L3MBTL3: variants seen among roughly 807,000 people sequenced by gnomAD.
L3MBTL3 encodes lethal(3)malignant brain tumor-like protein 3.
Under a neutral mutation model 102.3 loss-of-function variants are expected in L3MBTL3, and 27 were observed. That is an observed-to-expected ratio of 0.26 (90% CI 0.19 to 0.36). The LOEUF (loss-of-function observed/expected upper bound fraction) is 0.36. Among genes scored for constraint, L3MBTL3 ranks in the 10% least tolerant of loss-of-function variants. L3MBTL3 has a pLI of 1.00. For missense variants in L3MBTL3, 798 were observed against 955.3 expected, an observed-to-expected ratio of 0.84 and a Z score of 2.17; for synonymous variants, 340 against 320.9, an observed-to-expected ratio of 1.06 and a Z score of -0.64.
At chr6:130,036,616 C>G (rs921088165) in intron 2 of L3MBTL3, among the ~76,000 whole-genome samples, 1 of 152,130 alleles carries the variant, frequency 6.6e-6, no homozygotes, top group Non-Finnish European at 1.5e-5. Flanking sequence ...TCCTGTCAGA[C>G]AGGATTTTGC....
At chr6:130,019,253 G>A (rs1204665198) in intron 1 of L3MBTL3, 3 of 144,942 alleles carry the variant, frequency 2.1e-5, no homozygotes, top group Admixed American at 6.8e-5. Flanking sequence ...TGTCCGGGTG[G>A]GCGCCGCGGA....
intron 22 of L3MBTL3, among the ~76,000 whole-genome samples, chr6:130,136,439 T>C (rs531709152): frequency 2.6e-5 from 4 of 152,178 alleles, no homozygotes; most frequent in South Asian, 2.1e-4. Context: ...CGCTCCTCCT[T>C]CTGCACAGAA....
chr6:130,062,890 G>A (rs1781992606), intron 10 of L3MBTL3, among the ~76,000 whole-genome samples: 1 of 150,454 alleles, frequency 6.6e-6, no homozygotes, highest in Admixed American at 6.6e-5. Context: ...GAAAAGTATG[G>A]ACATATAAAT....
At chr6:130,040,105 T>A (rs541501284) in intron 2 of L3MBTL3, among the ~76,000 whole-genome samples, 2 of 152,240 alleles carry the variant, frequency 1.3e-5, no homozygotes, top group African/African-American at 4.8e-5. Context: ...GGCAGGCGGA[T>A]CACTTGAGGT....
intron 19 of L3MBTL3, among the ~76,000 whole-genome samples, chr6:130,118,339 C>T (rs975983311): frequency 6.6e-6 from 1 of 152,218 alleles, no homozygotes; most frequent in Non-Finnish European, 1.5e-5. Context: ...GTAAAAAGCT[C>T]AGTCAGTCTT....
At chr6:130,021,749 G>A (rs1007323862) in intron 1 of L3MBTL3, among the ~76,000 whole-genome samples, 3 of 152,176 alleles carry the variant, frequency 2.0e-5, no homozygotes, top group African/African-American at 7.2e-5. Context: ...TATAGTCCGA[G>A]TAAGTAGTCC....
intron 18 of L3MBTL3, among the ~76,000 whole-genome samples, chr6:130,103,562 A>T (rs942620957): frequency 6.6e-6 from 1 of 152,194 alleles, no homozygotes; most frequent in Admixed American, 6.5e-5. Flanking sequence ...CTAAGGCCCA[A>T]ACCATTTCCA....
rs551424473 is a variant in L3MBTL3 at position 130,059,023 on chromosome 6, C to A, written c.760-1013C>A. 3.3e-5 allele frequency among the ~76,000 whole-genome samples: 5 copies of A among 151,902 alleles called. No homozygotes were observed. The South Asian group carries it at 1.0e-3, about 32-fold the overall frequency. On this transcript the variant is annotated intron_variant, in intron 9 of 22. Coordinates refer to ENST00000361794, the MANE Select transcript of L3MBTL3 (RefSeq NM_032438.4). ...AGTAGTAATTACATATAAACTTGTT[C>A]TCTGTAATTATTTTCTGTAGCTTTG...
chr6:130,108,220 G>GT (rs376419261), intron 19 of L3MBTL3, among the ~76,000 whole-genome samples: 7,819 of 118,620 alleles, frequency 0.066, 787 homozygotes, highest in Non-Finnish European at 0.11. Context: ...ATGTTAGGTG[G>GT]TTTTTTTTTT....
chr6:130,115,815 A>C lies in L3MBTL3; in HGVS notation c.1887-5064A>C, dbSNP rs561635166. ...ACTGAAATGTATTGAATTGAATTGA[A>C]TTGTATTGAATTGCAACTAAAGAAA... On this transcript the variant is annotated intron_variant, in intron 19 of 22. Coordinates refer to ENST00000361794, the MANE Select transcript of L3MBTL3 (RefSeq NM_032438.4). 5.9e-5 allele frequency among the ~76,000 whole-genome samples: 9 copies of C among 152,356 alleles called. No individual in the cohort carries two copies. The South Asian group carries it at 1.7e-3, about 28-fold the overall frequency.
intron 13 of L3MBTL3, among the ~76,000 whole-genome samples, chr6:130,078,035 CAGAA>C (rs1783070766): frequency 6.6e-6 from 1 of 151,994 alleles, no homozygotes; most frequent in Non-Finnish European, 1.5e-5. Flanking sequence ...GTAGAGATGA[CAGAA>C]AGGAGAAGAA....
At chr6:130,038,164 T>C (rs1312842447) in intron 2 of L3MBTL3, among the ~76,000 whole-genome samples, 1 of 152,120 alleles carries the variant, frequency 6.6e-6, no homozygotes, top group African/African-American at 2.4e-5. Context: ...TTTAAATCCA[T>C]TCATCCACTC....
At chr6:130,032,912 GAGC>G (rs1185199286) in intron 2 of L3MBTL3, among the ~76,000 whole-genome samples, 1 of 152,218 alleles carries the variant, frequency 6.6e-6, no homozygotes, top group African/African-American at 2.4e-5. Flanking sequence ...AGGACCGCTT[GAGC>G]CCAGGAGGTT....
At chr6:130,042,936 TC>T in intron 3 of L3MBTL3, 135 bp downstream of exon 3, 1 of 545,800 alleles carries the variant, frequency 1.8e-6, no homozygotes. Flanking sequence ...TGCTTAGACC[TC>T]CACAATAAAT....
chr6:130,020,998 G>A (rs867852645), intron 1 of L3MBTL3, among the ~76,000 whole-genome samples: 7 of 151,956 alleles, frequency 4.6e-5, no homozygotes, highest in Non-Finnish European at 8.8e-5. Flanking sequence ...GGGGGGGCGC[G>A]GCCGGGGCGA....
chr6:130,048,969 C>CACACACACACACACACACAT (rs1471238624), intron 3 of L3MBTL3, among the ~76,000 whole-genome samples: 2 of 151,556 alleles, frequency 1.3e-5, no homozygotes, highest in African/African-American at 4.9e-5. Flanking sequence ...CACACACACA[C>CACACACACACACACACACAT]ATACACACAC....
chr6:130,086,301 T>C (rs1361615616), intron 16 of L3MBTL3, 51 bp downstream of exon 16: 1 of 1,278,544 alleles, frequency 7.8e-7, no homozygotes. Context: ...TAAGATGTTT[T>C]AGATAAAAAC....
In L3MBTL3 at chr6:130,133,373, G is replaced by A. The variant is rs115140410; in HGVS notation, c.1967-79G>A. The stretch of plus-strand genomic sequence containing the variant: ...TTTAACCACTCCCACCTCCAGTCTC[G>A]TTATCTGGGAGATGCACGGCATTTG... On this transcript the variant is annotated intron_variant, in intron 20 of 22. Transcript: ENST00000361794. The surrounding 1 kb of genome is among the most constrained non-coding windows in gnomAD (Gnocchi z 4.9). 505 of 1,399,196 alleles carry A rather than the reference G, an allele frequency of 3.6e-4. 4 individuals are homozygous for A. In the African/African-American group the frequency reaches 6.5e-3, roughly 18 times the overall value. The allele number at this position is 1,399,196 out of a possible 1,614,324, so 86.7% of individuals were successfully genotyped here.
chr6:130,118,476 G>A (rs1471358349), intron 19 of L3MBTL3, among the ~76,000 whole-genome samples: 1 of 152,134 alleles, frequency 6.6e-6, no homozygotes, highest in Non-Finnish European at 1.5e-5. Flanking sequence ...GTTTCATAAT[G>A]CCTGTTCTAA....
Sources: gnomAD v4.1 joint callset for allele counts (sites outside exome capture counted in the v4.1 genomes callset) on GRCh38, gnomAD v4.1.1 for gene constraint, Gnocchi (gnomAD v3.1) non-coding constraint, MANE v1.5 for transcripts, NCBI Gene and HGNC (gene_info 2026-07-23, HGNC 2026-07-21) for gene names.